Variants in SPEF2 observed in about 807,000 individuals in gnomAD.
SPEF2 encodes sperm flagella and cilia-associated protein 2.
A neutral mutation model predicts 224.6 loss-of-function variants in SPEF2; 187 were observed. The observed-to-expected ratio is 0.83, with a 90% CI of 0.74 to 0.94. SPEF2 has a LOEUF of 0.94. Among genes scored for constraint, SPEF2 ranks in the 40% least tolerant of loss-of-function variants. SPEF2 has a pLI of 0.00. For missense variants in SPEF2, 2,170 were observed against 2,135.6 expected (o/e 1.02, Z -0.32); for synonymous variants, 715 against 707.3 (o/e 1.01, Z -0.17).
At chr5:35,739,256 T>C (rs1747170098) in intron 21 of SPEF2, among the ~76,000 whole-genome samples, 1 of 152,194 alleles carries the variant, frequency 6.6e-6, no homozygotes, top group African/African-American at 2.4e-5. Flanking sequence ...TATAGACAAG[T>C]AAATGATGAT....
At chr5:35,635,195 G>A (rs1396892448) in intron 2 of SPEF2, among the ~76,000 whole-genome samples, 1 of 151,658 alleles carries the variant, frequency 6.6e-6, no homozygotes, top group Non-Finnish European at 1.5e-5. Context: ...TCTTTCCTCT[G>A]CCAACTCTAG....
chr5:35,650,168 G>A (rs747745704), intron 6 of SPEF2, among the ~76,000 whole-genome samples: 3 of 152,086 alleles, frequency 2.0e-5, no homozygotes, highest in Admixed American at 6.6e-5. Context: ...ATTTCCTGAC[G>A]GAAGGGAGAG....
In SPEF2 at chr5:35,681,592, T is replaced by G. The variant is rs536739258; in HGVS notation, c.1525-9445T>G. Among the ~76,000 whole-genome samples, 238 of 152,264 alleles carry G rather than the reference T, an allele frequency of 1.6e-3. 1 individual carries two copies. Among genetic ancestry groups the G allele is most frequent in the African/African-American group, 5.5e-3 (227 of 41,550 alleles). On this transcript the variant is annotated intron_variant, in intron 10 of 36. Coordinates refer to ENST00000356031, the MANE Select transcript of SPEF2 (RefSeq NM_024867.4). ...AACCAGATTGTGAAATTAATTTAGG[T>G]CACAACCAGTATTTATTTTAAAAAA...
chr5:35,701,034 C>T (rs75018663), intron 16 of SPEF2, among the ~76,000 whole-genome samples: 2,827 of 152,190 alleles, frequency 0.019, 61 homozygotes, highest in South Asian at 0.055. Flanking sequence ...TTTTTTGAGA[C>T]ATGCACTTAT....
chr5:35,644,010 T>C (rs964304230), intron 3 of SPEF2, among the ~76,000 whole-genome samples: 1 of 152,128 alleles, frequency 6.6e-6, no homozygotes, highest in Non-Finnish European at 1.5e-5. Context: ...ATCTCTTATA[T>C]GTTAAAGTTG....
At chr5:35,659,330 C>T (rs1749389397) in intron 8 of SPEF2, 123 bp downstream of exon 8, 1 of 916,412 alleles carries the variant, frequency 1.1e-6, no homozygotes, top group Non-Finnish European at 1.6e-6. Flanking sequence ...GTATGATCAA[C>T]CTGTTATCTG....
chr5:35,797,332 G>GTC (rs1561380668), intron 33 of SPEF2, among the ~76,000 whole-genome samples: 1 of 149,646 alleles, frequency 6.7e-6, no homozygotes, highest in African/African-American at 2.4e-5. Context: ...GTGTGTGTGT[G>GTC]TGTGTGTGTG....
intron 16 of SPEF2, among the ~76,000 whole-genome samples, chr5:35,703,986 G>A (rs1017956673): frequency 3.3e-5 from 5 of 152,092 alleles, no homozygotes; most frequent in Non-Finnish European, 5.9e-5. Context: ...AAATTGGTAA[G>A]TATTCTGGAC....
intron 2 of SPEF2, 23 bp from the exon 3 acceptor site, chr5:35,641,408 A>T (rs745719457): frequency 6.3e-7 from 1 of 1,592,114 alleles, no homozygotes; most frequent in South Asian, 1.1e-5. Flanking sequence ...ATGTCTAATT[A>T]TGTAAAATAT....
intron 10 of SPEF2, among the ~76,000 whole-genome samples, chr5:35,672,452 T>A (rs1259695283): frequency 6.6e-6 from 1 of 151,120 alleles, no homozygotes; most frequent in Non-Finnish European, 1.5e-5. Context: ...GACAACTGTT[T>A]CTTTTAGATA....
At chr5:35,658,305 T>C (rs1277884360) in intron 7 of SPEF2, among the ~76,000 whole-genome samples, 1 of 152,216 alleles carries the variant, frequency 6.6e-6, no homozygotes, top group East Asian at 1.9e-4. Flanking sequence ...CAGCCAAGAA[T>C]ACATCTATCT....
At chr5:35,693,032 T>C (rs1459321401) in intron 12 of SPEF2, among the ~76,000 whole-genome samples, 1 of 152,118 alleles carries the variant, frequency 6.6e-6, no homozygotes, top group Non-Finnish European at 1.5e-5. Flanking sequence ...CTAGTAGCCA[T>C]CAGCTGGAGC....
intron 36 of SPEF2, chr5:35,808,035 T>C (rs1758284081): frequency 8.6e-7 from 1 of 1,157,584 alleles, no homozygotes; most frequent in East Asian, 4.5e-5. Context: ...GCTTTCACTT[T>C]GATAGAATGT....
chr5:35,785,315 T>C (rs1220343052), intron 30 of SPEF2, among the ~76,000 whole-genome samples: 2 of 152,160 alleles, frequency 1.3e-5, no homozygotes, highest in Non-Finnish European at 1.5e-5. Flanking sequence ...AAACTGTTTA[T>C]GAGTAGAGTT....
chr5:35,683,370 A>G (rs1286351155), intron 10 of SPEF2, among the ~76,000 whole-genome samples: 1 of 152,198 alleles, frequency 6.6e-6, no homozygotes, highest in Non-Finnish European at 1.5e-5. Context: ...CATGCCAGTA[A>G]TCCCAGCACT....
At chr5:35,746,756 T>C (rs1748601098) in intron 23 of SPEF2, among the ~76,000 whole-genome samples, 1 of 152,100 alleles carries the variant, frequency 6.6e-6, no homozygotes, top group Non-Finnish European at 1.5e-5. Context: ...TTTAGAGGAA[T>C]AATTGAGGAA....
chr5:35,709,007 C>T lies in SPEF2; in HGVS notation c.2725C>T (p.Leu909Phe), dbSNP rs770197722. Reference protein sequence around the residue: ...EKKAAASLAELPLPTPPPAPP... With the variant: ...EKKAAASLAEFPLPTPPPAPP... ...AAAAGCAGCAGCTTCCCTGGCTGAG[C>T]TTCCACTTCCTACACCTCCTCCTGC... The change falls in exon 19 of 37, where the codon CTT (leucine) becomes TTT (phenylalanine). Residue 909 changes from leucine to phenylalanine, a missense_variant. By Grantham distance (22) the Leu-to-Phe change is conservative. Coordinates refer to ENST00000356031, the MANE Select transcript of SPEF2 (RefSeq NM_024867.4). The T allele has an allele frequency of 6.2e-7, 1 of 1,613,682 alleles. No individual in the cohort carries two copies. Among genetic ancestry groups the T allele is most frequent in the Admixed American group, 1.7e-5 (1 of 59,970 alleles).
At chr5:35,618,081 C>A in intron 1 of SPEF2, 26 bp downstream of exon 1, 1 of 1,570,396 alleles carries the variant, frequency 6.4e-7, no homozygotes, top group African/African-American at 1.4e-5. Context: ...CAGGGGCGAG[C>A]GTCTGAGGGG....
chr5:35,788,214 C>G lies in SPEF2; in HGVS notation c.4448-4126C>G, dbSNP rs1412837311. 4 of 702,832 alleles carry G rather than the reference C, an allele frequency of 5.7e-6. No individual in the cohort carries two copies. In the East Asian group the frequency reaches 1.1e-4, roughly 19 times the overall value. The allele number at this position is 702,832 out of a possible 1,614,324, so 43.5% of individuals were successfully genotyped here. A position where few individuals can be genotyped will look rare whatever the true frequency, so the allele number is the denominator to read the frequency against. ...GCCACCACCAAACTAATGATGAGGA[C>G]CATGAGCAAAGTAACCCTCGGGAGA... On this transcript the variant is annotated intron_variant, in intron 30 of 36. Coordinates refer to ENST00000356031, the MANE Select transcript of SPEF2 (RefSeq NM_024867.4).
Sources: gnomAD v4.1 joint callset for allele counts (sites outside exome capture counted in the v4.1 genomes callset) on GRCh38, gnomAD v4.1.1 for gene constraint, MANE v1.5 for transcripts, NCBI Gene and HGNC (gene_info 2026-07-23, HGNC 2026-07-21) for gene names.